Variants in NKAIN3 observed in about 807,000 individuals in gnomAD.
The protein encoded by NKAIN3 is sodium/potassium transporting ATPase interacting 3, also known as sodium/potassium-transporting ATPase subunit beta-1-interacting protein 3.
In NKAIN3, 25 loss-of-function variants were observed where a neutral mutation model predicts 30.2. That is an observed-to-expected ratio of 0.83 (90% CI 0.60 to 1.16). The LOEUF (loss-of-function observed/expected upper bound fraction) is 1.16, where lower values mean the gene tolerates loss of function less well. Among genes scored for constraint, NKAIN3 ranks in the 50% most tolerant of loss-of-function variants. The probability of loss-of-function intolerance (pLI) is 0.00; values close to 1 mark genes in which losing one functional copy is unlikely to be tolerated. For synonymous variants in NKAIN3, 91 were observed against 89.6 expected (o/e 1.02, Z -0.09); for missense variants, 225 against 254.1 (o/e 0.89, Z 0.78).
intron 1 of NKAIN3, among the ~76,000 whole-genome samples, chr8:62,543,218 A>C (rs1048452232): frequency 3.9e-5 from 6 of 152,156 alleles, no homozygotes; most frequent in Non-Finnish European, 5.9e-5. Flanking sequence ...GCTGCCTCAG[A>C]GTTCCACACT....
intron 1 of NKAIN3, among the ~76,000 whole-genome samples, chr8:62,573,900 G>T (rs549655920): frequency 5.9e-5 from 9 of 152,094 alleles, no homozygotes; most frequent in East Asian, 1.9e-4. Context: ...TTATACTTTT[G>T]TAGCTATTTT....
intron 5 of NKAIN3, among the ~76,000 whole-genome samples, chr8:62,944,240 A>G (rs1823060878): frequency 6.6e-6 from 1 of 151,994 alleles, no homozygotes; most frequent in Admixed American, 6.6e-5. Context: ...TTCTAACTCT[A>G]TTATGTTTCA....
intron 4 of NKAIN3, among the ~76,000 whole-genome samples, chr8:62,876,517 T>C (rs1311430213): frequency 6.6e-6 from 1 of 152,188 alleles, no homozygotes; most frequent in Non-Finnish European, 1.5e-5. Flanking sequence ...TGCACACATA[T>C]GTTTATTGCA....
intron 1 of NKAIN3, among the ~76,000 whole-genome samples, chr8:62,526,506 A>T (rs977259887): frequency 6.6e-6 from 1 of 152,142 alleles, no homozygotes; most frequent in African/African-American, 2.4e-5. Flanking sequence ...ACAACATTTT[A>T]AATAGTAGAT....
intron 4 of NKAIN3, among the ~76,000 whole-genome samples, chr8:62,751,859 T>A (rs977997046): frequency 1.3e-5 from 2 of 151,712 alleles, no homozygotes; most frequent in Non-Finnish European, 2.9e-5. Flanking sequence ...ACTGAGAGCA[T>A]TTCCTAGTCC....
At chr8:62,825,271 G>A (rs1818984691) in intron 4 of NKAIN3, among the ~76,000 whole-genome samples, 1 of 152,146 alleles carries the variant, frequency 6.6e-6, no homozygotes, top group Non-Finnish European at 1.5e-5. Context: ...AACTCCCATG[G>A]ACTATTCTGT....
intron 1 of NKAIN3, among the ~76,000 whole-genome samples, chr8:62,475,335 A>G (rs983166048): frequency 6.6e-6 from 1 of 152,220 alleles, no homozygotes; most frequent in Non-Finnish European, 1.5e-5. Context: ...CTTTAATATT[A>G]TGAATGAATG....
chr8:62,701,779 C>T (rs926281852), intron 3 of NKAIN3, among the ~76,000 whole-genome samples: 2 of 152,212 alleles, frequency 1.3e-5, no homozygotes, highest in East Asian at 1.9e-4. Flanking sequence ...AACCGAGGAG[C>T]TGCACATTCT....
Position 62,470,965 on chromosome 8 carries a change from CA to C in NKAIN3, c.55-108572del, listed in dbSNP as rs569594420. On this transcript the variant is annotated intron_variant, in intron 1 of 6. Coordinates refer to ENST00000623646, the MANE Select transcript of NKAIN3 (RefSeq NM_001304533.3). ...ATGTAAACATTGTACAACAGAGGGA[CA>C]ATTAGGATGTTTTCCTTTTTTAAAA... is the stretch of plus-strand genomic sequence containing the variant. Among the ~76,000 whole-genome samples the C allele has an allele frequency of 1.1e-4, 17 of 151,918 alleles. No individual in the cohort carries two copies. In the South Asian group the frequency reaches 2.9e-3, roughly 26 times the overall value.
chr8:62,828,697 C>A (rs1183060847), intron 4 of NKAIN3, among the ~76,000 whole-genome samples: 3 of 152,156 alleles, frequency 2.0e-5, no homozygotes, highest in African/African-American at 4.8e-5. Context: ...GTTACTATGT[C>A]TATTTGGGGA....
intron 1 of NKAIN3, among the ~76,000 whole-genome samples, chr8:62,394,901 G>T (rs1817694052): frequency 6.8e-6 from 1 of 146,248 alleles, no homozygotes; most frequent in African/African-American, 2.5e-5. Flanking sequence ...TCCCCGACGG[G>T]GCGGCGGCTG....
intron 1 of NKAIN3, among the ~76,000 whole-genome samples, chr8:62,396,342 C>T (rs1260647598): frequency 1.3e-5 from 2 of 152,172 alleles, no homozygotes; most frequent in African/African-American, 4.8e-5. Flanking sequence ...TTGGCTAGGC[C>T]GCAACCCGGT....
intron 1 of NKAIN3, among the ~76,000 whole-genome samples, chr8:62,435,506 C>G (rs1168308988): frequency 6.6e-6 from 1 of 152,044 alleles, no homozygotes; most frequent in Admixed American, 6.6e-5. Context: ...TAATTTCAAC[C>G]CTTTTCAAAA....
At chr8:62,320,596 T>C (rs1359804632) in intron 1 of NKAIN3, among the ~76,000 whole-genome samples, 1 of 152,168 alleles carries the variant, frequency 6.6e-6, no homozygotes, top group Non-Finnish European at 1.5e-5. Flanking sequence ...TTATGAAGCT[T>C]AGTTTGACTG....
At chr8:62,879,715 G>A (rs1411830867) in intron 4 of NKAIN3, among the ~76,000 whole-genome samples, 1 of 152,154 alleles carries the variant, frequency 6.6e-6, no homozygotes, top group Non-Finnish European at 1.5e-5. Context: ...CAGAGGGACT[G>A]TTCCCCAGGA....
intron 4 of NKAIN3, among the ~76,000 whole-genome samples, chr8:62,795,885 T>C (rs1378116359): frequency 6.6e-6 from 1 of 152,126 alleles, no homozygotes; most frequent in Admixed American, 6.6e-5. Flanking sequence ...TGTGTATGCA[T>C]GTGTGTATGT....
intron 1 of NKAIN3, among the ~76,000 whole-genome samples, chr8:62,309,489 G>C (rs1814357873): frequency 6.6e-6 from 1 of 150,400 alleles, no homozygotes; most frequent in African/African-American, 2.5e-5. Flanking sequence ...CACTCACCTT[G>C]GTCAGGGCAT....
chr8:62,677,038 A>G (rs1166663648), intron 3 of NKAIN3, among the ~76,000 whole-genome samples: 13 of 152,122 alleles, frequency 8.5e-5, no homozygotes. Flanking sequence ...ATTTTTAAGT[A>G]TGATGCATAA....
intron 1 of NKAIN3, among the ~76,000 whole-genome samples, chr8:62,518,693 G>C (rs1483345476): frequency 1.3e-5 from 2 of 152,048 alleles, no homozygotes; most frequent in African/African-American, 4.8e-5. Flanking sequence ...ACATAAAATT[G>C]CTTTTTAAAA....
Sources: allele counts gnomAD v4.1 joint callset (sites outside exome capture counted in the v4.1 genomes callset), GRCh38; gene constraint gnomAD v4.1.1; transcripts MANE v1.5; gene names NCBI Gene and HGNC (gene_info 2026-07-23, HGNC 2026-07-21).